KIF1A: variants seen among roughly 807,000 people sequenced by gnomAD.
The protein encoded by KIF1A is kinesin-like protein KIF1A.
KIF1A carries 46 observed loss-of-function variants against 227.3 expected under a neutral mutation model. The ratio of observed to expected loss-of-function variants is 0.20; its 90% CI spans 0.16 to 0.26. KIF1A has a LOEUF of 0.26. Ranked by LOEUF, KIF1A falls within the 10% of genes least tolerant of loss-of-function variation. The probability of loss-of-function intolerance (pLI) is 1.00; values close to 1 mark genes in which losing one functional copy is unlikely to be tolerated. For synonymous variants in KIF1A, 1,022 were observed against 1,012.8 expected (o/e 1.01, Z -0.17); for missense variants, 1,683 against 2,485.9 (o/e 0.68, Z 6.87).
chr2:240,738,789 C>T (rs545811747), intron 37 of KIF1A, among the ~76,000 whole-genome samples: 1 of 152,338 alleles, frequency 6.6e-6, no homozygotes, highest in Non-Finnish European at 1.5e-5. Flanking sequence ...TGGTGACAGA[C>T]CCAGGCCCGA....
chr2:240,758,277 T>A lies in KIF1A; in HGVS notation c.2582+83A>T. On this transcript the variant is annotated intron_variant, in intron 26 of 48. Transcript: ENST00000498729. This position sits in a 1 kb window ranked among gnomAD's most constrained non-coding sequence, Gnocchi z 5.2. Reference sequence around the variant, plus strand: ...GCACTTGTCAGGGCCGCTCCTTGTATCAGGCCAGGGCCCACTCCTACCCCC... The same window carrying A: ...GCACTTGTCAGGGCCGCTCCTTGTAACAGGCCAGGGCCCACTCCTACCCCC... 2 of 1,463,038 alleles carry A rather than the reference T, an allele frequency of 1.4e-6. No homozygotes were observed. Among genetic ancestry groups the A allele is most frequent in the South Asian group, 1.4e-5 (1 of 71,684 alleles). The allele number at this position is 1,463,038 out of a possible 1,614,324, so 90.6% of individuals were successfully genotyped here.
chr2:240,819,381 C>T lies in KIF1A; in HGVS notation c.-61+741G>A, dbSNP rs560173210. Among the ~76,000 whole-genome samples the T allele has an allele frequency of 1.6e-3, 240 of 152,186 alleles. 2 individuals carry two copies. Among genetic ancestry groups the T allele is most frequent in the Non-Finnish European group, 1.8e-3 (119 of 67,972 alleles). On this transcript the variant is annotated intron_variant, in intron 1 of 48. Coordinates refer to ENST00000498729, the MANE Select transcript of KIF1A (RefSeq NM_001244008.2). ...GGGGCGCTGGCTGCTGAGACGCAGG[C>T]AGTGCTCGCCGGCGGCCCCTCCCAG...
At chr2:240,742,271 G>GC (rs1049026353) in intron 34 of KIF1A, among the ~76,000 whole-genome samples, 22 of 152,164 alleles carry the variant, frequency 1.4e-4, no homozygotes, top group African/African-American at 5.1e-4. Flanking sequence ...TCTCACACAG[G>GC]CCCCTACCCT....
At chr2:240,802,101 A>G (rs2057024885) in intron 1 of KIF1A, among the ~76,000 whole-genome samples, 1 of 152,010 alleles carries the variant, frequency 6.6e-6, no homozygotes, top group Non-Finnish European at 1.5e-5. Flanking sequence ...AGCCAGAAAA[A>G]AAAAAAAAAA....
rs990603048 is a variant in KIF1A at position 240,745,411 on chromosome 2, G to T, written c.3465+16C>A. 6.3e-7 allele frequency: 1 copy of T among 1,592,938 alleles called. No individual in the cohort carries two copies. The highest frequency in any genetic ancestry group is 8.6e-7 in the Non-Finnish European group (1 of 1,161,400). ...CAGTCAGTGGCAGGGATGGGGAGAAGTGCCCAGGAACGTACGTTCTGGACG... is the reference window on the plus strand; with the variant it reads ...CAGTCAGTGGCAGGGATGGGGAGAATTGCCCAGGAACGTACGTTCTGGACG... On this transcript the variant is annotated intron_variant, in intron 32 of 48. Coordinates refer to ENST00000498729, the MANE Select transcript of KIF1A (RefSeq NM_001244008.2).
chr2:240,736,771 T>G lies in KIF1A; in HGVS notation c.4007+292A>C, dbSNP rs1224019292. ...TCCCCACACCACGCAACCACAAAAC[T>G]CCCGAGGACAGAACTCAGCTCATCT... On this transcript the variant is annotated intron_variant, in intron 38 of 48. Transcript: ENST00000498729. This position sits in a 1 kb window ranked among gnomAD's most constrained non-coding sequence, Gnocchi z 4.7. 6.6e-6 allele frequency among the ~76,000 whole-genome samples: 1 copy of G among 152,022 alleles called. No individual in the cohort carries two copies. The highest frequency in any genetic ancestry group is 1.9e-4 in the East Asian group (1 of 5,178).
At chr2:240,746,312 G>C in intron 29 of KIF1A, 135 bp from the exon 30 acceptor site, 1 of 1,029,020 alleles carries the variant, frequency 9.7e-7, no homozygotes, top group Non-Finnish European at 1.4e-6. Context: ...CCACGCACCA[G>C]ACCTGTGCCT....
chr2:240,819,982 G>T, intron 1 of KIF1A, 140 bp downstream of exon 1: 1 of 153,102 alleles, frequency 6.5e-6, no homozygotes, highest in South Asian at 1.8e-4. Flanking sequence ...CCTGCGCTTT[G>T]GGCGGCAACA....
Position 240,787,254 on chromosome 2 carries a change from C to T in KIF1A, c.426G>A (p.Val142=). ...DTTNDNMSYS[V]EVSYMEIYCE... ...AACGGCAGGCGGGGAGCCCTACCTC[C>T]ACGGAGTAGGACATGTTGTCGTTGG... Residue 142 remains valine, a synonymous_variant, in exon 5 of 49, where the codon GTG becomes GTA. Coordinates refer to ENST00000498729, the MANE Select transcript of KIF1A (RefSeq NM_001244008.2). 1 of 1,612,500 alleles carries T rather than the reference C, an allele frequency of 6.2e-7. No individual in the cohort carries two copies. The highest frequency in any genetic ancestry group is 8.5e-7 in the Non-Finnish European group (1 of 1,178,972).
Position 240,775,935 on chromosome 2 carries a change from G to T in KIF1A, c.883-9C>A, listed in dbSNP as rs533309945. 5.6e-6 allele frequency: 9 copies of T among 1,594,654 alleles called. No individual in the cohort carries two copies. In the South Asian group the frequency reaches 8.8e-5, roughly 16 times the overall value. Reference sequence around the variant, plus strand: ...TTCTTCTTTTTCTTGTTCTGTGGGGGAGGAACATTCAAGGTCAAGCCCGAG... The same window carrying T: ...TTCTTCTTTTTCTTGTTCTGTGGGGTAGGAACATTCAAGGTCAAGCCCGAG... On this transcript the variant is annotated splice_polypyrimidine_tract_variant and intron_variant, in intron 10 of 48. Coordinates refer to ENST00000498729, the MANE Select transcript of KIF1A (RefSeq NM_001244008.2). The surrounding 1 kb of genome is among the most constrained non-coding windows in gnomAD (Gnocchi z 5.5).
intron 28 of KIF1A, 149 bp from the exon 29 acceptor site, chr2:240,747,470 C>A: frequency 1.6e-6 from 1 of 625,666 alleles, no homozygotes; most frequent in Admixed American, 2.8e-5. Flanking sequence ...CCACCCGTGG[C>A]TCAGTGACAA....
chr2:240,793,582 C>T lies in KIF1A; in HGVS notation c.106+4065G>A, dbSNP rs988066730. Among the ~76,000 whole-genome samples, 61 of 152,306 alleles carry T rather than the reference C, an allele frequency of 4.0e-4. No individual in the cohort carries two copies. The highest frequency in any genetic ancestry group is 1.4e-3 in the African/African-American group (59 of 41,552). On this transcript the variant is annotated intron_variant, in intron 2 of 48. Transcript: ENST00000498729. The surrounding 1 kb of genome is among the most constrained non-coding windows in gnomAD (Gnocchi z 4.8). ...GAGGAGGAGGACGGAAGCACTCACA[C>T]TCAACTTCTGCCCCCAGGCCAACCT... is the stretch of plus-strand genomic sequence containing the variant.
intron 20 of KIF1A, among the ~76,000 whole-genome samples, chr2:240,764,419 C>T (rs1575591931): frequency 6.6e-6 from 1 of 152,190 alleles, no homozygotes; most frequent in African/African-American, 2.4e-5. Flanking sequence ...CTTAGCCACA[C>T]CGACTCCCCA....
At chr2:240,782,772 G>A (rs1396937219) in intron 9 of KIF1A, among the ~76,000 whole-genome samples, 165 bp from the exon 10 acceptor site, 2 of 152,162 alleles carry the variant, frequency 1.3e-5, no homozygotes, top group African/African-American at 4.8e-5. Flanking sequence ...TCCCTCCAGG[G>A]CCGCCCTTCC....
chr2:240,762,239 G>A (rs1014677486), intron 23 of KIF1A, among the ~76,000 whole-genome samples: 5 of 152,240 alleles, frequency 3.3e-5, no homozygotes, highest in African/African-American at 7.2e-5. Context: ...CCACAGCTGC[G>A]GGAGGTCAGC....
chr2:240,743,944 G>C lies in KIF1A; in HGVS notation c.3582C>G (p.Leu1194=), dbSNP rs185587291. ...ACCCCCCGACCCAGGGCGCTAACCT[G>C]AGCACGTCCTTGCAGAGGGGCGGGA... The part of the protein sequence containing the change: ...HPFPPLCKDV[L]SPLRPSRRHF... The change falls in exon 33 of 49, where the codon CTC becomes CTG. Residue 1194 remains leucine (L), a splice_region_variant and synonymous_variant. Coordinates refer to ENST00000498729, the MANE Select transcript of KIF1A (RefSeq NM_001244008.2). The C allele has an allele frequency of 8.1e-6, 13 of 1,609,646 alleles. No homozygotes were observed. In the East Asian group the frequency reaches 2.5e-4, roughly 30 times the overall value.
chr2:240,723,674 C>A (rs1181073384), intron 41 of KIF1A, 116 bp from the exon 42 acceptor site: 1 of 1,244,368 alleles, frequency 8.0e-7, no homozygotes, highest in Non-Finnish European at 1.1e-6. Flanking sequence ...AGATGGGCTT[C>A]CCCTGGTCCT....
At position 240,765,811 on chromosome 2, in the gene KIF1A, G is replaced by T; in HGVS notation, c.1685-18C>A. 9 of 1,597,336 alleles carry T rather than the reference G, an allele frequency of 5.6e-6. No individual in the cohort carries two copies. The highest frequency in any genetic ancestry group is 6.9e-6 in the Non-Finnish European group (8 of 1,165,302). ...CACCACAGCTACAGGAAAGGTGGGA[G>T]GGGCAGAGAGGAGGACTATGAGGGG... On this transcript the variant is annotated intron_variant, in intron 19 of 48. Transcript: ENST00000498729.
intron 20 of KIF1A, 115 bp downstream of exon 20, chr2:240,765,595 C>G (rs2051070561): frequency 2.5e-6 from 2 of 809,464 alleles, no homozygotes; most frequent in East Asian, 2.7e-5. Context: ...GCCCAGCGGC[C>G]CTTAAGAGCT....
Sources: gnomAD v4.1 joint callset for allele counts (sites outside exome capture counted in the v4.1 genomes callset) on GRCh38, gnomAD v4.1.1 for gene constraint, Gnocchi (gnomAD v3.1) non-coding constraint, MANE v1.5 for transcripts, NCBI Gene and HGNC (gene_info 2026-07-23, HGNC 2026-07-21) for gene names.